Variants in PTPN12 observed in about 807,000 individuals in gnomAD.
PTPN12 encodes protein tyrosine phosphatase non-receptor type 12.
A neutral mutation model predicts 97.6 loss-of-function variants in PTPN12; 29 were observed. The observed-to-expected ratio is 0.30, with a 90% CI of 0.22 to 0.41. The LOEUF is 0.41. PTPN12 is among the 10% of genes least tolerant of loss of function. PTPN12 has a pLI of 1.00. For missense variants in PTPN12, 819 were observed against 926.0 expected, an observed-to-expected ratio of 0.88 and a Z score of 1.50; for synonymous variants, 327 against 300.4, an observed-to-expected ratio of 1.09 and a Z score of -0.91.
intron 5 of PTPN12, among the ~76,000 whole-genome samples, chr7:77,588,457 A>G (rs903931408): frequency 1.3e-5 from 2 of 152,228 alleles, no homozygotes; most frequent in African/African-American, 2.4e-5. Context: ...TAGCACCCCA[A>G]AACAGAGTAG....
intron 8 of PTPN12, among the ~76,000 whole-genome samples, chr7:77,605,394 A>G (rs948021565): frequency 7.2e-6 from 1 of 138,530 alleles, no homozygotes; most frequent in Admixed American, 7.3e-5. Flanking sequence ...TTACTTTAAA[A>G]TACTTTTGTC....
intron 12 of PTPN12, among the ~76,000 whole-genome samples, chr7:77,626,171 G>A (rs1001447232): frequency 6.6e-6 from 1 of 152,168 alleles, no homozygotes; most frequent in Non-Finnish European, 1.5e-5. Flanking sequence ...TGCATAGAGA[G>A]CTAAGCCATC....
At chr7:77,573,371 ACT>A (rs1267645739) in intron 2 of PTPN12, among the ~76,000 whole-genome samples, 1 of 152,094 alleles carries the variant, frequency 6.6e-6, no homozygotes, top group Non-Finnish European at 1.5e-5. Flanking sequence ...GTGAAGGGTC[ACT>A]CTGGCTCATA....
chr7:77,617,557 TAAC>T (rs1562753224), intron 11 of PTPN12, among the ~76,000 whole-genome samples: 1 of 152,116 alleles, frequency 6.6e-6, no homozygotes, highest in Non-Finnish European at 1.5e-5. Flanking sequence ...AAAACAATGA[TAAC>T]AAAACAAAAT....
chr7:77,593,937 T>A (rs1787944370), intron 6 of PTPN12, among the ~76,000 whole-genome samples: 1 of 152,230 alleles, frequency 6.6e-6, no homozygotes, highest in Admixed American at 6.5e-5. Context: ...CATAATTTTA[T>A]GACTTAGTTA....
intron 1 of PTPN12, among the ~76,000 whole-genome samples, chr7:77,560,253 C>G (rs1807936449): frequency 6.6e-6 from 1 of 152,110 alleles, no homozygotes; most frequent in African/African-American, 2.4e-5. Flanking sequence ...TATTATGTGA[C>G]CTGGTAATCT....
At chr7:77,556,989 A>G (rs75314571) in intron 1 of PTPN12, among the ~76,000 whole-genome samples, 1 of 150,314 alleles carries the variant, frequency 6.7e-6, no homozygotes, top group East Asian at 1.9e-4. Flanking sequence ...TTTTTTTTTT[A>G]GAGCGGTCTC....
intron 7 of PTPN12, 60 bp downstream of exon 7, chr7:77,597,961 C>T: frequency 6.3e-7 from 1 of 1,582,456 alleles, no homozygotes; most frequent in Non-Finnish European, 8.6e-7. Context: ...GGTGCAGTGG[C>T]TCATGCCTGT....
chr7:77,567,309 T>G (rs2151314733), intron 1 of PTPN12, among the ~76,000 whole-genome samples: 1 of 152,270 alleles, frequency 6.6e-6, no homozygotes, highest in Non-Finnish European at 1.5e-5. Context: ...CTTTATATAT[T>G]TATCATAAGA....
At chr7:77,585,652 T>G in intron 5 of PTPN12, 71 bp downstream of exon 5, 1 of 1,374,502 alleles carries the variant, frequency 7.3e-7, no homozygotes, top group Non-Finnish European at 1.0e-6. Context: ...ATTATTATAG[T>G]CTTAACATAA....
At chr7:77,571,364 A>T (rs1787124889) in intron 2 of PTPN12, among the ~76,000 whole-genome samples, 178 bp downstream of exon 2, 1 of 152,150 alleles carries the variant, frequency 6.6e-6, no homozygotes, top group Non-Finnish European at 1.5e-5. Flanking sequence ...TCTGATCCTA[A>T]TTTTTGTTTA....
chr7:77,584,396 C>T (rs2151334386), intron 4 of PTPN12, among the ~76,000 whole-genome samples: 1 of 152,166 alleles, frequency 6.6e-6, no homozygotes, highest in African/African-American at 2.4e-5. Context: ...ACTAGATGTG[C>T]TTGGGGATTG....
chr7:77,553,319 C>T (rs951314522), intron 1 of PTPN12, among the ~76,000 whole-genome samples: 2 of 152,188 alleles, frequency 1.3e-5, no homozygotes, highest in Non-Finnish European at 2.9e-5. Context: ...ATTGATGATG[C>T]TGTTAAGTTC....
At chr7:77,611,983 T>G (rs1179065066) in intron 11 of PTPN12, among the ~76,000 whole-genome samples, 1 of 147,356 alleles carries the variant, frequency 6.8e-6, no homozygotes, top group East Asian at 1.9e-4. Context: ...GTGCTGAGAT[T>G]TTTTTTTTTT....
At chr7:77,628,646 T>A (rs992910751) in intron 13 of PTPN12, among the ~76,000 whole-genome samples, 1 of 151,518 alleles carries the variant, frequency 6.6e-6, no homozygotes. Context: ...AGTGGCAAGA[T>A]CTCGGCTCAG....
chr7:77,619,223 A>G (rs1288312994), intron 12 of PTPN12, among the ~76,000 whole-genome samples: 1 of 152,134 alleles, frequency 6.6e-6, no homozygotes, highest in East Asian at 1.9e-4. Flanking sequence ...CTATTAGAAT[A>G]TTTTATAGTG....
intron 1 of PTPN12, chr7:77,545,652 G>A (rs1320935747): frequency 6.6e-6 from 1 of 150,898 alleles, no homozygotes; most frequent in East Asian, 1.9e-4. Context: ...TACTTCACCT[G>A]GAAGTTTTCA....
intron 6 of PTPN12, among the ~76,000 whole-genome samples, chr7:77,593,979 AC>A (rs1787945206): frequency 6.6e-6 from 1 of 152,168 alleles, no homozygotes. Context: ...TCTCATACAT[AC>A]CCAAAGTTTA....
intron 2 of PTPN12, among the ~76,000 whole-genome samples, chr7:77,581,009 C>G (rs1017320796): frequency 3.3e-5 from 5 of 152,094 alleles, no homozygotes; most frequent in Admixed American, 6.6e-5. Flanking sequence ...AACTTTAATA[C>G]ACTGCTTTAC....
Sources: allele counts gnomAD v4.1 joint callset (sites outside exome capture counted in the v4.1 genomes callset), GRCh38; gene constraint gnomAD v4.1.1; transcripts MANE v1.5; gene names NCBI Gene and HGNC (gene_info 2026-07-23, HGNC 2026-07-21).